Variants in CCDC92 observed in about 807,000 individuals in gnomAD.
CCDC92 encodes coiled-coil domain containing 92, also known as coiled-coil domain-containing protein 92.
A neutral mutation model predicts 24.9 loss-of-function variants in CCDC92; 12 were observed. That is an observed-to-expected ratio of 0.48 (90% confidence interval 0.31 to 0.78). The LOEUF is 0.78. Among genes scored for constraint, CCDC92 ranks in the 30% least tolerant of loss-of-function variants. The pLI is 0.05. For missense variants in CCDC92, 399 were observed against 439.4 expected, an observed-to-expected ratio of 0.91 and a Z score of 0.82; for synonymous variants, 193 against 196.3, an observed-to-expected ratio of 0.98 and a Z score of 0.14.
intron 1 of CCDC92, chr12:123,966,112 TAA>T (rs373907875): frequency 6.6e-5 from 10 of 152,288 alleles, no homozygotes; most frequent in African/African-American, 2.2e-4. Flanking sequence ...TTTGGTACAT[TAA>T]GTGTGTCTAT....
rs1186913673 is a variant in CCDC92, at chr12:123,942,649, G to A, written c.223+95C>T. 1.1e-5 allele frequency: 10 copies of A among 941,016 alleles called. No individual in the cohort carries two copies. The Admixed American group carries it at 1.5e-4, about 14-fold the overall frequency. 58.3% of individuals were successfully genotyped at this position (941,016 alleles called of 1,614,324 possible). A position where few individuals can be genotyped will look rare whatever the true frequency, so the allele number is the denominator to read the frequency against. ...ACACGCATAACTCTTCCCAGCAAGAGCATTTTCTCCTAAGTGTGTGACTAG... is the reference window on the plus strand; with the variant it reads ...ACACGCATAACTCTTCCCAGCAAGAACATTTTCTCCTAAGTGTGTGACTAG... On this transcript the variant is annotated intron_variant, in intron 4 of 4. Transcript: ENST00000238156.
intron 1 of CCDC92, among the ~76,000 whole-genome samples, chr12:123,954,232 T>C (rs1956098118): frequency 6.6e-6 from 1 of 152,202 alleles, no homozygotes. Context: ...GGGAAGGTAG[T>C]TGTTACAAAT....
intron 1 of CCDC92, among the ~76,000 whole-genome samples, chr12:123,957,299 G>A (rs1029981958): frequency 6.6e-6 from 1 of 152,258 alleles, no homozygotes; most frequent in Non-Finnish European, 1.5e-5. Context: ...CCAGTCAGGA[G>A]CCTGGAGAGT....
At chr12:123,966,928 G>T (rs952607429) in intron 1 of CCDC92, among the ~76,000 whole-genome samples, 7 of 151,992 alleles carry the variant, frequency 4.6e-5, no homozygotes, top group Non-Finnish European at 1.0e-4. Context: ...TATCTCCAAG[G>T]TCTCAAGTCT....
chr12:123,954,568 TTA>T (rs1452048924), intron 1 of CCDC92, among the ~76,000 whole-genome samples: 1 of 152,224 alleles, frequency 6.6e-6, no homozygotes, highest in African/African-American at 2.4e-5. Flanking sequence ...TGCACTCCGA[TTA>T]TCTCATACTT....
At chr12:123,955,600 T>C (rs1956131587) in intron 1 of CCDC92, among the ~76,000 whole-genome samples, 1 of 152,210 alleles carries the variant, frequency 6.6e-6, no homozygotes, top group Non-Finnish European at 1.5e-5. Flanking sequence ...CTAATTATAG[T>C]ACAGGTTTTA....
chr12:123,955,549 A>T (rs1015063302), intron 1 of CCDC92, among the ~76,000 whole-genome samples: 2 of 152,226 alleles, frequency 1.3e-5, no homozygotes, highest in African/African-American at 4.8e-5. Flanking sequence ...AATTCACCTG[A>T]CTTAACTGAT....
At position 123,972,635 on chromosome 12, in the gene CCDC92, CG is replaced by C. The variant is rs1956588576; in HGVS notation, c.-167del. The C allele has an allele frequency of 7.3e-6, 1 of 136,172 alleles. No individual in the cohort carries two copies. The highest frequency in any genetic ancestry group is 1.5e-5 in the Non-Finnish European group (1 of 65,840). 8.4% of individuals were successfully genotyped at this position (136,172 alleles called of 1,614,324 possible). On this transcript the variant is annotated 5_prime_UTR_variant, in exon 1 of 5. Transcript: ENST00000238156. ...GGCCCATGGGCTGGGCGGGGCGCGG[CG>C]GGCGGGGCTGCCTGGGCTCGGGCGC...
chr12:123,939,604 G>C (rs1955624961), intron 4 of CCDC92, among the ~76,000 whole-genome samples: 1 of 152,188 alleles, frequency 6.6e-6, no homozygotes, highest in Non-Finnish European at 1.5e-5. Context: ...TTGAACCATT[G>C]CAAGTTTCTA....
chr12:123,957,634 C>T (rs1956177549), intron 1 of CCDC92, among the ~76,000 whole-genome samples: 2 of 151,562 alleles, frequency 1.3e-5, no homozygotes, highest in Non-Finnish European at 2.9e-5. Flanking sequence ...GTAATTATGA[C>T]CATTATTTAC....
intron 4 of CCDC92, among the ~76,000 whole-genome samples, chr12:123,941,730 A>AT (rs1955691478): frequency 6.6e-6 from 1 of 152,088 alleles, no homozygotes; most frequent in Admixed American, 6.5e-5. Flanking sequence ...GCTCTTCCTT[A>AT]TTTGGAAACT....
intron 1 of CCDC92, among the ~76,000 whole-genome samples, chr12:123,953,559 A>T (rs1299510740): frequency 6.6e-6 from 1 of 152,166 alleles, no homozygotes; most frequent in Non-Finnish European, 1.5e-5. Context: ...CTGGTAGATC[A>T]CGAGGTCAGG....
intron 3 of CCDC92, among the ~76,000 whole-genome samples, 177 bp downstream of exon 3, chr12:123,943,170 T>C (rs1955740335): frequency 6.6e-6 from 1 of 152,236 alleles, no homozygotes; most frequent in African/African-American, 2.4e-5. Context: ...GAAAAGGCTT[T>C]GCAGCTTTAT....
intron 1 of CCDC92, chr12:123,962,781 T>C (rs1432252343): frequency 6.6e-6 from 1 of 152,312 alleles, no homozygotes; most frequent in Non-Finnish European, 1.5e-5. Context: ...GAGAACACCA[T>C]CTACACGGTG....
chr12:123,959,170 G>A (rs1469352775), intron 1 of CCDC92, among the ~76,000 whole-genome samples: 1 of 152,190 alleles, frequency 6.6e-6, no homozygotes, highest in Non-Finnish European at 1.5e-5. Flanking sequence ...CTGCAAAATG[G>A]AAAAGCAGTA....
intron 1 of CCDC92, among the ~76,000 whole-genome samples, chr12:123,951,514 G>T (rs1956025484): frequency 6.6e-6 from 1 of 152,232 alleles, no homozygotes; most frequent in South Asian, 2.1e-4. Context: ...AGCTGTGAAT[G>T]AGTTATAACA....
chr12:123,942,168 C>G (rs528949189), intron 4 of CCDC92, among the ~76,000 whole-genome samples: 2 of 152,352 alleles, frequency 1.3e-5, no homozygotes, highest in South Asian at 4.1e-4. Context: ...TGTCTCTTCT[C>G]TGGCGGCCAG....
chr12:123,957,037 TTTG>T (rs1395643454), intron 1 of CCDC92, among the ~76,000 whole-genome samples: 53 of 152,372 alleles, frequency 3.5e-4, no homozygotes, highest in African/African-American at 1.2e-3. Context: ...TACAACTGAC[TTTG>T]TTTTTTCCTC....
rs1299742752 is a variant in CCDC92 at position 123,937,000 on chromosome 12, G to C, written c.*58C>G. The C allele has an allele frequency of 6.3e-7, 1 of 1,587,176 alleles. No individual in the cohort carries two copies. Among genetic ancestry groups the C allele is most frequent in the East Asian group, 2.2e-5 (1 of 44,662 alleles). On this transcript the variant is annotated 3_prime_UTR_variant, in exon 5 of 5. Transcript: ENST00000238156. ...GGGATTAAACAGAAAAGGTGTGGCT[G>C]AGATTTCCCAGTGGTGCTCACAGTG...
Sources: allele counts gnomAD v4.1 joint callset (sites outside exome capture counted in the v4.1 genomes callset), GRCh38; gene constraint gnomAD v4.1.1; transcripts MANE v1.5; gene names NCBI Gene and HGNC (gene_info 2026-07-23, HGNC 2026-07-21).